AVEN: variants seen among roughly 807,000 people sequenced by gnomAD.
The protein encoded by AVEN is apoptosis and caspase activation inhibitor, also known as cell death regulator Aven.
AVEN carries 41 observed loss-of-function variants against 38.1 expected under a neutral mutation model. That is an observed-to-expected ratio of 1.08 (90% CI 0.84 to 1.40). The LOEUF (loss-of-function observed/expected upper bound fraction) is 1.40. Ranked by LOEUF, AVEN falls within the 40% of genes most tolerant of loss-of-function variation. The pLI is 0.00. For missense variants in AVEN, 605 were observed against 438.8 expected (o/e 1.38, Z -3.38); for synonymous variants, 206 against 171.8 (o/e 1.20, Z -1.56).
intron 1 of AVEN, among the ~76,000 whole-genome samples, chr15:34,028,005 T>C (rs142159345): frequency 2.6e-5 from 4 of 152,228 alleles, no homozygotes; most frequent in Admixed American, 2.6e-4. Flanking sequence ...CTGGCTGCCC[T>C]TAAGGCTCTG....
intron 2 of AVEN, among the ~76,000 whole-genome samples, chr15:33,877,024 C>G (rs1172561029): frequency 6.6e-6 from 1 of 151,978 alleles, no homozygotes; most frequent in Non-Finnish European, 1.5e-5. Flanking sequence ...TAAACCAATC[C>G]ATAAGAAATA....
chr15:33,892,554 T>G (rs1892030833), intron 2 of AVEN, among the ~76,000 whole-genome samples: 1 of 152,318 alleles, frequency 6.6e-6, no homozygotes, highest in African/African-American at 2.4e-5. Context: ...TGGTGTTATT[T>G]CTGAGGGCTT....
At chr15:33,999,174 G>A (rs914527663) in intron 2 of AVEN, among the ~76,000 whole-genome samples, 10 of 152,204 alleles carry the variant, frequency 6.6e-5, no homozygotes, top group African/African-American at 2.2e-4. Flanking sequence ...TTGGCAGAGG[G>A]AGGAAGAGAA....
intron 1 of AVEN, among the ~76,000 whole-genome samples, chr15:34,028,724 G>A (rs115653437): frequency 0.02 from 3,082 of 152,194 alleles, 100 homozygotes; most frequent in African/African-American, 0.071. Context: ...TTTCACAGGC[G>A]AGGAAACTGA....
rs1276583304 is a variant in AVEN at position 33,948,387 on chromosome 15, G to A, written c.445+54645C>T. On this transcript the variant is annotated intron_variant, in intron 2 of 5. Coordinates refer to ENST00000306730, the MANE Select transcript of AVEN (RefSeq NM_020371.3). ...TGGGATTACAGGCGTGAGCCACCACGCCCAGCCTATTTTTTATATTTTAAA... is the reference window on the plus strand; with the variant it reads ...TGGGATTACAGGCGTGAGCCACCACACCCAGCCTATTTTTTATATTTTAAA... 3.3e-5 allele frequency among the ~76,000 whole-genome samples: 5 copies of A among 152,098 alleles called. No homozygotes were observed. The East Asian group carries it at 7.7e-4, about 23-fold the overall frequency.
chr15:33,867,740 T>C lies in AVEN; in HGVS notation c.728A>G (p.Glu243Gly). The change falls in exon 5 of 6, where the codon GAG becomes GGG. Residue 243 changes from glutamate to glycine, a missense_variant. Physicochemically the swap from Glu to Gly is moderately conservative, Grantham distance 98. Transcript: ENST00000306730. ...GCAGCCAGCAGCCACAGATTTCAGC[T>C]CAAAGATGGGCCCCCTTCCTCCAGG... ...LGPGGRGPIF[E>G]LKSVAAGCPV... 1 of 1,614,108 alleles carries C rather than the reference T, an allele frequency of 6.2e-7. No individual in the cohort carries two copies. The highest frequency in any genetic ancestry group is 1.7e-5 in the Admixed American group (1 of 60,012).
upstream of AVEN, among the ~76,000 whole-genome samples, chr15:34,042,739 C>G (rs1899523977): frequency 6.6e-6 from 1 of 151,966 alleles, no homozygotes; most frequent in African/African-American, 2.4e-5. Flanking sequence ...GTAGCCAATT[C>G]CTTAAGGTAG....
At chr15:33,987,154 T>C (rs1567450781) in intron 2 of AVEN, among the ~76,000 whole-genome samples, 1 of 152,226 alleles carries the variant, frequency 6.6e-6, no homozygotes. Flanking sequence ...CAGTGCAGTA[T>C]TCTCACAACA....
intron 5 of AVEN, among the ~76,000 whole-genome samples, chr15:34,045,191 C>G (rs1899640833): frequency 6.6e-6 from 1 of 152,152 alleles, no homozygotes; most frequent in Non-Finnish European, 1.5e-5. Flanking sequence ...TCTTTCAGTT[C>G]AAGGACTATC....
At chr15:33,875,506 G>C (rs1891182347) in intron 3 of AVEN, among the ~76,000 whole-genome samples, 1 of 152,136 alleles carries the variant, frequency 6.6e-6, no homozygotes, top group African/African-American at 2.4e-5. Context: ...CCTAATTGTA[G>C]GAGAAGTGTT....
intron 2 of AVEN, chr15:33,990,788 G>A (rs376897069): frequency 2.0e-5 from 3 of 152,126 alleles, no homozygotes; most frequent in Non-Finnish European, 2.9e-5. Context: ...GCCGTAAGAC[G>A]AATTTTTAAA....
At position 33,947,283 on chromosome 15, in the gene AVEN, G is replaced by A. The variant is rs1174537170; in HGVS notation, c.445+55749C>T. Among the ~76,000 whole-genome samples, 10 of 152,154 alleles carry A rather than the reference G, an allele frequency of 6.6e-5. No individual in the cohort carries two copies. The East Asian group carries it at 1.7e-3, about 26-fold the overall frequency. On this transcript the variant is annotated intron_variant, in intron 2 of 5. Coordinates refer to ENST00000306730, the MANE Select transcript of AVEN (RefSeq NM_020371.3). Reference sequence around the variant, plus strand: ...TTGGTGTGGGCAAAAACCAAACAACGAATGCTCCCAGCATGAGGAAGAGAA... The same window carrying A: ...TTGGTGTGGGCAAAAACCAAACAACAAATGCTCCCAGCATGAGGAAGAGAA...
intron 2 of AVEN, among the ~76,000 whole-genome samples, chr15:33,965,451 G>C (rs1895348207): frequency 6.6e-6 from 1 of 152,106 alleles, no homozygotes; most frequent in Admixed American, 6.6e-5. Flanking sequence ...ATAAAGGAGA[G>C]ACTTTTTTTC....
chr15:33,865,306 T>TA, downstream of AVEN: 1 of 929,900 alleles, frequency 1.1e-6, no homozygotes, highest in South Asian at 1.6e-5. Flanking sequence ...TTCTGCAACA[T>TA]ATCTGAAATG....
At chr15:33,900,793 T>C (rs1308521148) in intron 2 of AVEN, among the ~76,000 whole-genome samples, 1 of 140,172 alleles carries the variant, frequency 7.1e-6, no homozygotes, top group Non-Finnish European at 1.6e-5. Context: ...TTCTATTTCA[T>C]AAATAGCAAT....
At chr15:33,967,428 A>G (rs550767289) in intron 2 of AVEN, among the ~76,000 whole-genome samples, 1 of 152,076 alleles carries the variant, frequency 6.6e-6, no homozygotes, top group Non-Finnish European at 1.5e-5. Context: ...AAGTGTCCAT[A>G]CTTTAAAAAT....
intron 2 of AVEN, among the ~76,000 whole-genome samples, chr15:33,998,638 A>G (rs1420634032): frequency 6.6e-6 from 1 of 152,168 alleles, no homozygotes; most frequent in African/African-American, 2.4e-5. Context: ...CCACCACTCC[A>G]ACAAAACTGC....
At chr15:33,972,151 C>T (rs1895664522) in intron 2 of AVEN, 3 of 151,952 alleles carry the variant, frequency 2.0e-5, no homozygotes, top group Non-Finnish European at 4.4e-5. Context: ...ATTAATAATT[C>T]AAAAGCGGGA....
At chr15:33,884,818 G>A (rs1362189325) in intron 2 of AVEN, among the ~76,000 whole-genome samples, 2 of 152,210 alleles carry the variant, frequency 1.3e-5, no homozygotes, top group African/African-American at 4.8e-5. Flanking sequence ...TCAGGCATAT[G>A]TGAAGAGTGA....
Sources: gnomAD v4.1 joint callset for allele counts (sites outside exome capture counted in the v4.1 genomes callset) on GRCh38, gnomAD v4.1.1 for gene constraint, MANE v1.5 for transcripts, NCBI Gene and HGNC (gene_info 2026-07-23, HGNC 2026-07-21) for gene names.